NEDD9: variants seen among roughly 807,000 people sequenced by gnomAD.
NEDD9 encodes enhancer of filamentation 1.
NEDD9 carries 26 observed loss-of-function variants against 76.6 expected under a neutral mutation model. The observed-to-expected ratio is 0.34, with a 90% CI of 0.25 to 0.47. The LOEUF is 0.47. Ranked by LOEUF, NEDD9 falls within the 20% of genes least tolerant of loss-of-function variation. The probability of loss-of-function intolerance (pLI) is 1.00; values close to 1 mark genes in which losing one functional copy is unlikely to be tolerated. For synonymous variants in NEDD9, 392 were observed against 414.2 expected (o/e 0.95, Z 0.65); for missense variants, 937 against 1,058.5 (o/e 0.89, Z 1.59).
chr6:11,267,639 G>A (rs1760224193), intron 3 of NEDD9, among the ~76,000 whole-genome samples: 2 of 152,060 alleles, frequency 1.3e-5, no homozygotes, highest in African/African-American at 4.8e-5. Context: ...AAGGGTATGG[G>A]CAATTCATTA....
At chr6:11,300,087 C>T (rs922316052) in intron 3 of NEDD9, among the ~76,000 whole-genome samples, 2 of 152,138 alleles carry the variant, frequency 1.3e-5, no homozygotes, top group African/African-American at 4.8e-5. Flanking sequence ...ATGTTCTAAC[C>T]CATTGCAAGG....
At chr6:11,257,267 A>G (rs1760020457) in intron 3 of NEDD9, among the ~76,000 whole-genome samples, 1 of 152,234 alleles carries the variant, frequency 6.6e-6, no homozygotes, top group Non-Finnish European at 1.5e-5. Context: ...CACACATTAG[A>G]TGCCAGTAGC....
intron 1 of NEDD9, among the ~76,000 whole-genome samples, chr6:11,345,389 T>C (rs1215971102): frequency 2.0e-5 from 3 of 152,166 alleles, no homozygotes; most frequent in African/African-American, 7.2e-5. Flanking sequence ...GAGTTACTTG[T>C]ACATGGAGCT....
chr6:11,359,880 T>C (rs1308319239), intron 1 of NEDD9, among the ~76,000 whole-genome samples: 1 of 152,204 alleles, frequency 6.6e-6, no homozygotes, highest in Non-Finnish European at 1.5e-5. Flanking sequence ...TTTCATGCCA[T>C]GAGGGACAAA....
At chr6:11,348,290 CA>C (rs895644214) in intron 1 of NEDD9, among the ~76,000 whole-genome samples, 2 of 152,126 alleles carry the variant, frequency 1.3e-5, no homozygotes, top group Non-Finnish European at 2.9e-5. Context: ...ATGACACAAA[CA>C]AATAGAAAAA....
intron 2 of NEDD9, chr6:11,207,595 A>C (rs559927933): frequency 6.6e-6 from 1 of 152,326 alleles, no homozygotes; most frequent in African/African-American, 2.4e-5. Flanking sequence ...ATATTACTTC[A>C]GTTTTCCAAG....
In NEDD9 at chr6:11,190,054, T is replaced by A; in HGVS notation, c.1815A>T (p.Pro605=). The change falls in exon 5 of 7, where the codon CCA becomes CCT. Residue 605 remains proline (P), a synonymous_variant. Transcript: ENST00000379446. This position sits in a 1 kb window ranked among gnomAD's most constrained non-coding sequence, Gnocchi z 5.8. The part of the protein sequence containing the change: ...KAQAHNKALP[P]GLSKEQAPDC... ...CAGGGGCCTGCTCCTTGCTCAGGCCTGGGGGCAGTGCCTTGTTGTGGGCCT... is the reference window on the plus strand; with the variant it reads ...CAGGGGCCTGCTCCTTGCTCAGGCCAGGGGGCAGTGCCTTGTTGTGGGCCT... The A allele has an allele frequency of 1.3e-6, 2 of 1,589,868 alleles. No homozygotes were observed. Among genetic ancestry groups the A allele is most frequent in the Non-Finnish European group, 1.7e-6 (2 of 1,167,070 alleles).
intron 2 of NEDD9, among the ~76,000 whole-genome samples, chr6:11,204,104 C>G (rs1758532134): frequency 6.6e-6 from 1 of 152,150 alleles, no homozygotes; most frequent in South Asian, 2.1e-4. Context: ...TCTAGCATCA[C>G]TTGCCATTTC....
intron 3 of NEDD9, among the ~76,000 whole-genome samples, chr6:11,283,590 G>A (rs1760581467): frequency 6.6e-6 from 1 of 152,150 alleles, no homozygotes; most frequent in Non-Finnish European, 1.5e-5. Context: ...CCAGTGCCAT[G>A]GCTTTAATGA....
chr6:11,217,669 A>G (rs1436703283), intron 1 of NEDD9, among the ~76,000 whole-genome samples: 1 of 152,268 alleles, frequency 6.6e-6, no homozygotes, highest in Non-Finnish European at 1.5e-5. Context: ...ATGATTTGCC[A>G]GCTCACCTGG....
chr6:11,375,033 C>A (rs1267299544), intron 1 of NEDD9, among the ~76,000 whole-genome samples: 1 of 152,202 alleles, frequency 6.6e-6, no homozygotes, highest in African/African-American at 2.4e-5. Context: ...GCAAAATTTT[C>A]ACTTCTCTGC....
chr6:11,247,292 C>G (rs1416415172), intron 3 of NEDD9, among the ~76,000 whole-genome samples: 3 of 152,174 alleles, frequency 2.0e-5, no homozygotes, highest in Non-Finnish European at 4.4e-5. Flanking sequence ...GTACTATGCT[C>G]AAAGTCAGTT....
intron 1 of NEDD9, among the ~76,000 whole-genome samples, chr6:11,342,460 T>C (rs1470345431): frequency 6.6e-6 from 1 of 152,130 alleles, no homozygotes; most frequent in Non-Finnish European, 1.5e-5. Flanking sequence ...GGAACAAAGT[T>C]AAGAATTATT....
At chr6:11,314,279 G>T (rs924350101) in intron 2 of NEDD9, among the ~76,000 whole-genome samples, 14 of 152,172 alleles carry the variant, frequency 9.2e-5, no homozygotes, top group African/African-American at 2.7e-4. Flanking sequence ...AGCACCTGGT[G>T]CATAGTAAGT....
At chr6:11,321,053 G>A (rs1196615840) in intron 2 of NEDD9, among the ~76,000 whole-genome samples, 3 of 151,280 alleles carry the variant, frequency 2.0e-5, no homozygotes, top group Non-Finnish European at 2.9e-5. Flanking sequence ...CCATGACAGA[G>A]AGAGAGAGAA....
At chr6:11,329,754 A>G (rs1253845639) in intron 2 of NEDD9, among the ~76,000 whole-genome samples, 2 of 151,784 alleles carry the variant, frequency 1.3e-5, no homozygotes, top group African/African-American at 4.8e-5. Context: ...GACTGCCACA[A>G]CTGGGTGGGG....
At chr6:11,261,749 C>T (rs1481004094) in intron 3 of NEDD9, among the ~76,000 whole-genome samples, 1 of 152,092 alleles carries the variant, frequency 6.6e-6, no homozygotes, top group Non-Finnish European at 1.5e-5. Flanking sequence ...ACAACTTGAA[C>T]CTTGTTTTTA....
intron 3 of NEDD9, among the ~76,000 whole-genome samples, chr6:11,243,598 T>G (rs1200995532): frequency 6.6e-6 from 1 of 152,212 alleles, no homozygotes; most frequent in East Asian, 1.9e-4. Context: ...CTGAAACTCC[T>G]TGTTATTTCC....
intron 3 of NEDD9, among the ~76,000 whole-genome samples, chr6:11,290,093 A>G (rs144683193): frequency 1.3e-5 from 2 of 152,316 alleles, no homozygotes; most frequent in East Asian, 3.9e-4. Flanking sequence ...TTCCACTCGT[A>G]TTACCTCCAG....
Sources: gnomAD v4.1 joint callset for allele counts (sites outside exome capture counted in the v4.1 genomes callset) on GRCh38, gnomAD v4.1.1 for gene constraint, Gnocchi (gnomAD v3.1) non-coding constraint, MANE v1.5 for transcripts, NCBI Gene and HGNC (gene_info 2026-07-23, HGNC 2026-07-21) for gene names.